Variants in STOX2 observed in about 807,000 individuals in gnomAD.
The protein encoded by STOX2 is storkhead-box protein 2.
In STOX2, 28 loss-of-function variants were observed where a neutral mutation model predicts 60.9. The observed-to-expected ratio is 0.46, with a 90% CI of 0.34 to 0.63. The LOEUF (loss-of-function observed/expected upper bound fraction) is 0.63, where lower values mean the gene tolerates loss of function less well. Among genes scored for constraint, STOX2 ranks in the 30% least tolerant of loss-of-function variants. STOX2 has a pLI of 0.01. For synonymous variants in STOX2, 472 were observed against 463.9 expected (o/e 1.02, Z -0.22); for missense variants, 1,024 against 1,187.7 (o/e 0.86, Z 2.03).
intron 1 of STOX2, among the ~76,000 whole-genome samples, chr4:183,895,152 C>T (rs1355442379): frequency 6.6e-6 from 1 of 152,186 alleles, no homozygotes; most frequent in Non-Finnish European, 1.5e-5. Flanking sequence ...AAATCGTGGA[C>T]TGTCTCTGAG....
At position 183,821,365 on chromosome 4, in the gene STOX2, G is replaced by A. The variant is rs60308520; in HGVS notation, c.364+23310G>A. Among the ~76,000 whole-genome samples the A allele has an allele frequency of 0.086, 13,018 of 152,184 alleles. 1,793 individuals carry two copies. Among genetic ancestry groups the A allele is most frequent in the African/African-American group, 0.3 (12,254 of 41,454 alleles). On this transcript the variant is annotated intron_variant, in intron 1 of 2. Transcript: ENST00000513034. The surrounding 1 kb of genome is among the most constrained non-coding windows in gnomAD (Gnocchi z 4.2). The stretch of plus-strand genomic sequence containing the variant: ...GTGGAAGCCTGTGCTAGCAGGTAGA[G>A]GATCTTTTATAAAGAACAAACGAAA...
intron 1 of STOX2, among the ~76,000 whole-genome samples, chr4:183,851,432 AGAAAGGATGAGG>A (rs1560845764): frequency 3.3e-5 from 2 of 60,318 alleles, no homozygotes; most frequent in Admixed American, 1.7e-4. Context: ...AAAGGATGAG[AGAAAGGATGAGG>A]GAAAGGATGA....
rs753716050 is a variant in STOX2 at position 184,022,051 on chromosome 4, A to G, written c.*4767A>G. The G allele has an allele frequency of 5.3e-5, 8 of 152,336 alleles. No homozygotes were observed. The highest frequency in any genetic ancestry group is 5.2e-4 in the Admixed American group (8 of 15,300). The allele number at this position is 152,336 out of a possible 1,614,324, so 9.4% of individuals were successfully genotyped here. A position where few individuals can be genotyped will look rare whatever the true frequency, so the allele number is the denominator to read the frequency against. On this transcript the variant is annotated 3_prime_UTR_variant, in exon 4 of 4. Transcript: ENST00000308497. ...GCTAGAACACAGGAAACATGAATGC[A>G]AAAGGCATGGAAAACACTGTTTTGC... is the stretch of plus-strand genomic sequence containing the variant.
intron 1 of STOX2, among the ~76,000 whole-genome samples, chr4:183,935,583 C>G (rs1742569163): frequency 6.6e-6 from 1 of 152,204 alleles, no homozygotes; most frequent in Non-Finnish European, 1.5e-5. Flanking sequence ...TTGAACTGAA[C>G]TTTGAATTCT....
Position 183,906,637 on chromosome 4 carries a change from A to AC in STOX2, c.-151dup, listed in dbSNP as rs1407748690. On this transcript the variant is annotated 5_prime_UTR_variant, in exon 1 of 4. The change abolishes the stop of an existing upstream ORF in the 5' untranslated region. Transcript: ENST00000308497. ...TGTGGGGGGGCGTGGGGAGGGCCGG[A>AC]CCCGCCGCTGGCGGTGTAGACGCCG... 2 of 812,162 alleles carry AC rather than the reference A, an allele frequency of 2.5e-6. No individual in the cohort carries two copies. Among genetic ancestry groups the AC allele is most frequent in the East Asian group, 5.8e-5 (2 of 34,634 alleles). 50.3% of individuals were successfully genotyped at this position (812,162 alleles called of 1,614,324 possible). A position where few individuals can be genotyped will look rare whatever the true frequency, so the allele number is the denominator to read the frequency against.
upstream of STOX2, among the ~76,000 whole-genome samples, chr4:183,903,581 C>T (rs1741511272): frequency 6.6e-6 from 1 of 152,164 alleles, no homozygotes; most frequent in African/African-American, 2.4e-5. Flanking sequence ...AGACAGTCAG[C>T]CATTGTTTGC....
chr4:184,016,984 A>C, intron 3 of STOX2, 105 bp from the exon 4 acceptor site: 1 of 940,206 alleles, frequency 1.1e-6, no homozygotes, highest in South Asian at 1.8e-5. Flanking sequence ...ATTATGAACC[A>C]ACAGAGGAAA....
chr4:183,887,883 A>G (rs776105344), intron 1 of STOX2, among the ~76,000 whole-genome samples: 3 of 152,146 alleles, frequency 2.0e-5, no homozygotes, highest in African/African-American at 4.8e-5. Context: ...AGCTGGGACT[A>G]TAAGTGTATA....
Position 183,865,635 on chromosome 4 carries a change from A to G in STOX2, c.364+67580A>G, listed in dbSNP as rs1454179342. ...TAGATAGAAAGAATTTATGGGATGT[A>G]AAGAAAAAAATTCACTGAAGAGGAG... On this transcript the variant is annotated intron_variant, in intron 1 of 2. Transcript: ENST00000513034. The surrounding 1 kb of genome is among the most constrained non-coding windows in gnomAD (Gnocchi z 4.1). 6.6e-6 allele frequency among the ~76,000 whole-genome samples: 1 copy of G among 152,218 alleles called. No homozygotes were observed. The highest frequency in any genetic ancestry group is 2.4e-5 in the African/African-American group (1 of 41,454).
chr4:183,863,361 C>G (rs1740494337), intron 1 of STOX2, among the ~76,000 whole-genome samples: 2 of 152,184 alleles, frequency 1.3e-5, no homozygotes, highest in Admixed American at 1.3e-4. Context: ...AAAACGCCAG[C>G]TGAGAGAGCT....
chr4:183,813,182 G>C (rs1739076165), intron 1 of STOX2, among the ~76,000 whole-genome samples: 1 of 152,108 alleles, frequency 6.6e-6, no homozygotes, highest in Non-Finnish European at 1.5e-5. Context: ...TCAGGAGTTG[G>C]AGACCAGTGT....
chr4:183,868,886 C>T (rs1740630802), intron 1 of STOX2, among the ~76,000 whole-genome samples: 1 of 152,124 alleles, frequency 6.6e-6, no homozygotes, highest in African/African-American at 2.4e-5. Context: ...AAGTCACTCC[C>T]CACTTTTCTT....
At chr4:183,815,410 T>G (rs1171251226) in intron 1 of STOX2, among the ~76,000 whole-genome samples, 1 of 152,164 alleles carries the variant, frequency 6.6e-6, no homozygotes, top group African/African-American at 2.4e-5. Flanking sequence ...TGACACTTAA[T>G]AGCATATATT....
At chr4:183,937,436 T>C (rs1204772686) in intron 1 of STOX2, among the ~76,000 whole-genome samples, 2 of 152,238 alleles carry the variant, frequency 1.3e-5, no homozygotes, top group African/African-American at 2.4e-5. Flanking sequence ...GGAAGCCATA[T>C]GACCTTTTCT....
At chr4:183,854,833 A>T (rs1190429873) in intron 1 of STOX2, among the ~76,000 whole-genome samples, 1 of 152,224 alleles carries the variant, frequency 6.6e-6, no homozygotes, top group African/African-American at 2.4e-5. Context: ...ACACATATGG[A>T]AGATTGCTTA....
In STOX2 at chr4:183,825,645, T is replaced by A. The variant is rs1490676219; in HGVS notation, c.364+27590T>A. Reference sequence around the variant, plus strand: ...TGTCCCAGGACTCGCGGTGAAGCCCTGAGCATGGGCTTCCATTGTTATTTT... The same window carrying A: ...TGTCCCAGGACTCGCGGTGAAGCCCAGAGCATGGGCTTCCATTGTTATTTT... On this transcript the variant is annotated intron_variant, in intron 1 of 2. Coordinates refer to the STOX2 transcript ENST00000513034. The surrounding 1 kb of genome is among the most constrained non-coding windows in gnomAD (Gnocchi z 4.1). Among the ~76,000 whole-genome samples, 1 of 152,200 alleles carries A rather than the reference T, an allele frequency of 6.6e-6. No homozygotes were observed. The highest frequency in any genetic ancestry group is 1.5e-5 in the Non-Finnish European group (1 of 68,044).
Position 183,906,962 on chromosome 4 carries a change from T to C in STOX2, c.166+6T>C. Reference sequence around the variant, plus strand: ...GCGGGGCTACATGACATCAGGTTGGTTGGTGACCGCGTTTCTGCCCCCGGG... The same window carrying C: ...GCGGGGCTACATGACATCAGGTTGGCTGGTGACCGCGTTTCTGCCCCCGGG... On this transcript the variant is annotated splice_donor_region_variant and intron_variant, in intron 1 of 3. Coordinates refer to ENST00000308497, the MANE Select transcript of STOX2 (RefSeq NM_020225.3). 1 of 1,522,302 alleles carries C rather than the reference T, an allele frequency of 6.6e-7. No individual in the cohort carries two copies. The highest frequency in any genetic ancestry group is 8.9e-7 in the Non-Finnish European group (1 of 1,127,956). 94.3% of individuals were successfully genotyped at this position (1,522,302 alleles called of 1,614,324 possible).
rs2111251023 is a variant in STOX2, at chr4:184,011,053, T to C, written c.2215T>C (p.Cys739Arg). 1 of 1,611,778 alleles carries C rather than the reference T, an allele frequency of 6.2e-7. No individual in the cohort carries two copies. The highest frequency in any genetic ancestry group is 1.3e-5 in the African/African-American group (1 of 74,990). ...KTPADTLPGR[C>R]EKLEPSLGTS... ...ACCTGCTGACACATTGCCAGGCCGA[T>C]GTGAGAAACTGGAACCGTCCCTGGG... Residue 739 changes from cysteine to arginine, a missense_variant, in exon 3 of 4, where the codon TGT (cysteine) becomes CGT (arginine). Around this residue, in one of 3 missense-constraint regions of STOX2, gnomAD observed 922 missense variants for 1,058.3 expected, o/e 0.87. Coordinates refer to ENST00000308497, the MANE Select transcript of STOX2 (RefSeq NM_020225.3). This position sits in a 1 kb window ranked among gnomAD's most constrained non-coding sequence, Gnocchi z 4.4.
At chr4:183,955,629 A>G (rs1743223406) in intron 1 of STOX2, among the ~76,000 whole-genome samples, 1 of 152,030 alleles carries the variant, frequency 6.6e-6, no homozygotes, top group South Asian at 2.1e-4. Context: ...TCTAGGCCCC[A>G]TGTCTTCCTG....
Sources: allele counts gnomAD v4.1 joint callset (sites outside exome capture counted in the v4.1 genomes callset), GRCh38; gene constraint gnomAD v4.1.1; regional missense constraint gnomAD v4.1.1; non-coding constraint Gnocchi (gnomAD v3.1); transcripts MANE v1.5; gene names NCBI Gene and HGNC (gene_info 2026-07-23, HGNC 2026-07-21).